The following MED12L variants were observed in gnomAD, a reference collection of about 807,000 sequenced individuals.
MED12L encodes the protein mediator complex subunit 12L.
A neutral mutation model predicts 281.3 loss-of-function variants in MED12L; 60 were observed. The ratio of observed to expected loss-of-function variants is 0.21; its 90% CI spans 0.17 to 0.26. The LOEUF (loss-of-function observed/expected upper bound fraction) is 0.26, where lower values mean the gene tolerates loss of function less well. Among genes scored for constraint, MED12L ranks in the 10% least tolerant of loss-of-function variants. The pLI, the probability that MED12L is intolerant of heterozygous loss-of-function variation, is 1.00. For synonymous variants in MED12L, 974 were observed against 987.2 expected (o/e 0.99, Z 0.25); for missense variants, 2,146 against 2,680.9 (o/e 0.80, Z 4.41).
chr3:151,413,260 C>G lies in MED12L; in HGVS notation c.6262C>G (p.Gln2088Glu), dbSNP rs571967520. The G allele has an allele frequency of 1.2e-5, 19 of 1,614,180 alleles. No homozygotes were observed. In the South Asian group the frequency reaches 1.6e-4, roughly 14 times the overall value. Residue 2088 changes from glutamine to glutamate, a missense_variant, in exon 42 of 45, where the codon CAG becomes GAG. Coordinates refer to ENST00000687756, the MANE Select transcript of MED12L (RefSeq NM_001393769.1). ...PLPQDPMRPR[Q>E]PQVRQQQRLL... The stretch of plus-strand genomic sequence containing the variant: ...GCCTCAGGATCCCATGAGACCCAGA[C>G]AGCCGCAAGTTCGACAGCAGCAGAG...
chr3:151,329,413 C>A (rs978817231), intron 16 of MED12L: 1 of 988,236 alleles, frequency 1.0e-6, no homozygotes, highest in Non-Finnish European at 1.5e-6. Flanking sequence ...TTTAAAGCAC[C>A]TTTTTTCCCT....
At chr3:151,314,991 TAGAGAACATCTACCCTGGAGAC>T (rs1218741541) in intron 16 of MED12L, among the ~76,000 whole-genome samples, 1 of 152,146 alleles carries the variant, frequency 6.6e-6, no homozygotes, top group African/African-American at 2.4e-5. Context: ...CTTGCCTGCA[TAGAGAACATCTACCCTGGAGAC>T]TGGGGGATGC....
chr3:151,313,922 CAA>C (rs62708661), intron 16 of MED12L, among the ~76,000 whole-genome samples: 2 of 143,368 alleles, frequency 1.4e-5, no homozygotes, highest in Middle Eastern at 3.5e-3. Context: ...GACTCCGTCT[CAA>C]AAAAAAAAAA....
At chr3:151,189,505 C>G (rs1016607278) in intron 13 of MED12L, among the ~76,000 whole-genome samples, 1 of 152,198 alleles carries the variant, frequency 6.6e-6, no homozygotes, top group Non-Finnish European at 1.5e-5. Flanking sequence ...TTGCTTCCCT[C>G]GTTTCTTCCC....
At chr3:151,086,171 C>T (rs868393735) in intron 1 of MED12L, among the ~76,000 whole-genome samples, 151 of 152,298 alleles carry the variant, frequency 9.9e-4, no homozygotes, top group Middle Eastern at 3.4e-3. Flanking sequence ...CGCCTCGGCG[C>T]CTGCCCGGAG....
chr3:151,369,567 C>A lies in MED12L; in HGVS notation c.3664+18C>A. 6.7e-7 allele frequency: 1 copy of A among 1,492,094 alleles called. No homozygotes were observed. The highest frequency in any genetic ancestry group is 9.2e-7 in the Non-Finnish European group (1 of 1,087,054). 92.4% of individuals were successfully genotyped at this position (1,492,094 alleles called of 1,614,324 possible). A position where few individuals can be genotyped will look rare whatever the true frequency, so the allele number is the denominator to read the frequency against. On this transcript the variant is annotated intron_variant, in intron 26 of 44. Transcript: ENST00000687756. ...GATGCTTGGTAAGATTATTCTGACC[C>A]TAAGCTTCTTGGTTAATCACCAGAA...
chr3:151,426,370 T>A (rs1344327039), intron 43 of MED12L, among the ~76,000 whole-genome samples: 1 of 152,224 alleles, frequency 6.6e-6, no homozygotes, highest in East Asian at 1.9e-4. Context: ...ATTGAAATGC[T>A]CAGTAGTGAG....
At chr3:151,310,214 G>A (rs1243158010) in intron 16 of MED12L, among the ~76,000 whole-genome samples, 1 of 152,310 alleles carries the variant, frequency 6.6e-6, no homozygotes, top group Non-Finnish European at 1.5e-5. Flanking sequence ...AAGACAGCTA[G>A]TATGTCTAAC....
chr3:151,303,934 A>AG (rs1746289495), intron 16 of MED12L, among the ~76,000 whole-genome samples: 1 of 152,330 alleles, frequency 6.6e-6, no homozygotes, highest in African/African-American at 2.4e-5. Context: ...TGAACCAAAA[A>AG]GAGAGTTTAG....
intron 32 of MED12L, 97 bp downstream of exon 32, chr3:151,380,321 G>A (rs1474593393): frequency 2.5e-6 from 2 of 808,126 alleles, no homozygotes; most frequent in Non-Finnish European, 3.8e-6. Context: ...TAAGGGCCAG[G>A]TGTGGTGGCT....
chr3:151,372,866 T>C lies in MED12L; in HGVS notation c.3864+100T>C, dbSNP rs973517362. On this transcript the variant is annotated intron_variant, in intron 27 of 44. Coordinates refer to ENST00000687756, the MANE Select transcript of MED12L (RefSeq NM_001393769.1). Reference sequence around the variant, plus strand: ...AAACTTGTGCATAGGTGGGCCTTTTTTTCTTGCTCACTTTATTTCGAAATA... The same window carrying C: ...AAACTTGTGCATAGGTGGGCCTTTTCTTCTTGCTCACTTTATTTCGAAATA... 3.9e-5 allele frequency: 32 copies of C among 814,094 alleles called. No homozygotes were observed. The Admixed American group carries it at 6.5e-4, about 17-fold the overall frequency. The allele number at this position is 814,094 out of a possible 1,614,324, so 50.4% of individuals were successfully genotyped here.
intron 16 of MED12L, among the ~76,000 whole-genome samples, chr3:151,318,173 G>A (rs17204376): frequency 6.6e-6 from 1 of 151,518 alleles, no homozygotes; most frequent in Non-Finnish European, 1.5e-5. Context: ...GGTGGATTAA[G>A]TATGTTACGG....
chr3:151,332,730 C>T (rs529450626), intron 16 of MED12L, among the ~76,000 whole-genome samples: 9 of 144,282 alleles, frequency 6.2e-5, no homozygotes, highest in Non-Finnish European at 1.1e-4. Context: ...TACATGTAGA[C>T]TGACGTGATT....
intron 16 of MED12L, among the ~76,000 whole-genome samples, chr3:151,263,314 C>T (rs1301624183): frequency 6.6e-6 from 1 of 152,180 alleles, no homozygotes; most frequent in Non-Finnish European, 1.5e-5. Flanking sequence ...GTGTCTTAAA[C>T]TTGTGAGCAT....
intron 16 of MED12L, among the ~76,000 whole-genome samples, chr3:151,215,443 T>C (rs187044345): frequency 2.0e-5 from 3 of 152,308 alleles, no homozygotes; most frequent in Admixed American, 1.3e-4. Context: ...AAATAAAATA[T>C]ATTATTACTC....
At chr3:151,117,571 A>G (rs1388716889) in intron 3 of MED12L, among the ~76,000 whole-genome samples, 1 of 152,064 alleles carries the variant, frequency 6.6e-6, no homozygotes, top group African/African-American at 2.4e-5. Flanking sequence ...GCTCTTAATA[A>G]TATCAATATA....
At chr3:151,302,876 G>A (rs1231763155) in intron 16 of MED12L, among the ~76,000 whole-genome samples, 1 of 152,170 alleles carries the variant, frequency 6.6e-6, no homozygotes, top group Non-Finnish European at 1.5e-5. Flanking sequence ...GAGTCTAGTT[G>A]AGAATCCAGA....
At chr3:151,230,119 G>A (rs1480775846) in intron 16 of MED12L, among the ~76,000 whole-genome samples, 3 of 151,970 alleles carry the variant, frequency 2.0e-5, no homozygotes, top group African/African-American at 7.3e-5. Flanking sequence ...ACAGGTGCCC[G>A]CCACCACGCC....
intron 40 of MED12L, among the ~76,000 whole-genome samples, chr3:151,409,822 C>T (rs965908799): frequency 6.6e-6 from 1 of 152,012 alleles, no homozygotes; most frequent in Non-Finnish European, 1.5e-5. Context: ...AAAAATTAGC[C>T]AGGCGTGGTG....
Sources: gnomAD v4.1 joint callset for allele counts (sites outside exome capture counted in the v4.1 genomes callset) on GRCh38, gnomAD v4.1.1 for gene constraint, MANE v1.5 for transcripts, NCBI Gene and HGNC (gene_info 2026-07-23, HGNC 2026-07-21) for gene names.